Variants in MARK3 observed in about 807,000 individuals in gnomAD.
MARK3 encodes MAP/microtubule affinity-regulating kinase 3.
Under a neutral mutation model 90.1 loss-of-function variants are expected in MARK3, and 46 were observed. The observed-to-expected ratio is 0.51, with a 90% CI of 0.40 to 0.65. MARK3 has a LOEUF of 0.65. MARK3 is among the 30% of genes least tolerant of loss of function. The probability of loss-of-function intolerance (pLI) is 0.00; values close to 1 mark genes in which losing one functional copy is unlikely to be tolerated. For missense variants in MARK3, 818 were observed against 947.2 expected (o/e 0.86, Z 1.79); for synonymous variants, 321 against 332.6 (o/e 0.97, Z 0.38).
Position 103,442,951 on chromosome 14 carries a change from CT to C in MARK3, c.298-5967del, listed in dbSNP as rs375983352. 2.0e-3 allele frequency among the ~76,000 whole-genome samples: 304 copies of C among 148,834 alleles called. 7 individuals are homozygous for C. Among genetic ancestry groups the C allele is most frequent in the Middle Eastern group, 0.014 (4 of 278 alleles). ...AAAACTTTGGTGGGTGTCCCCCCCC[CT>C]CCCACCGACAAGGAAGTGAGAAGAG... On this transcript the variant is annotated intron_variant, in intron 3 of 17. Transcript: ENST00000429436.
intron 3 of MARK3, among the ~76,000 whole-genome samples, chr14:103,446,710 C>T (rs1486933749): frequency 1.8e-4 from 18 of 98,046 alleles, no homozygotes; most frequent in African/African-American, 4.3e-4. Context: ...AGATTGTTGT[C>T]TTTTTTTTTT....
intron 1 of MARK3, among the ~76,000 whole-genome samples, chr14:103,393,065 C>T (rs1318963473): frequency 2.0e-5 from 3 of 152,206 alleles, no homozygotes; most frequent in Non-Finnish European, 4.4e-5. Context: ...CTCACTGCAA[C>T]CTCCGCCTCC....
chr14:103,425,091 C>A (rs984262348), intron 2 of MARK3, among the ~76,000 whole-genome samples: 1 of 151,942 alleles, frequency 6.6e-6, no homozygotes, highest in Non-Finnish European at 1.5e-5. Flanking sequence ...CAGGCCCATG[C>A]CACCATGCCC....
intron 4 of MARK3, among the ~76,000 whole-genome samples, chr14:103,451,695 A>G (rs1054123215): frequency 1.3e-5 from 2 of 152,222 alleles, no homozygotes; most frequent in African/African-American, 4.8e-5. Context: ...TGGAAGTCAC[A>G]CTGAACATTC....
At chr14:103,417,413 A>T (rs1264081129) in intron 2 of MARK3, 1 of 152,246 alleles carries the variant, frequency 6.6e-6, no homozygotes, top group Non-Finnish European at 1.5e-5. Context: ...AACTTGGATC[A>T]TGAAAGGTTT....
intron 1 of MARK3, 48 bp downstream of exon 1, chr14:103,386,128 G>A (rs1466275838): frequency 1.5e-5 from 23 of 1,565,362 alleles, no homozygotes; most frequent in Non-Finnish European, 1.8e-5. Flanking sequence ...GGTGGCATTC[G>A]TGCTCCTCGG....
At chr14:103,449,230 AT>A (rs531138792) in intron 4 of MARK3, among the ~76,000 whole-genome samples, 4 of 151,806 alleles carry the variant, frequency 2.6e-5, no homozygotes, top group African/African-American at 9.6e-5. Context: ...ATTAGAAAAT[AT>A]AATTGTATTG....
At chr14:103,400,703 C>T (rs945478513) in intron 1 of MARK3, among the ~76,000 whole-genome samples, 7 of 151,852 alleles carry the variant, frequency 4.6e-5, no homozygotes, top group Non-Finnish European at 1.0e-4. Flanking sequence ...TGAGATCAGC[C>T]TGGGCAACAT....
intron 2 of MARK3, among the ~76,000 whole-genome samples, chr14:103,406,037 T>C (rs1036425853): frequency 6.6e-6 from 1 of 151,798 alleles, no homozygotes; most frequent in Non-Finnish European, 1.5e-5. Context: ...ACTACAGGCA[T>C]GCACTGCCAC....
At chr14:103,466,517 C>G (rs780188596) in intron 10 of MARK3, 75 bp downstream of exon 10, 2 of 911,496 alleles carry the variant, frequency 2.2e-6, no homozygotes, top group Non-Finnish European at 3.4e-6. Flanking sequence ...ATGTCTGTGC[C>G]TAAAATGTGA....
At chr14:103,494,189 G>A (rs986610008) in intron 15 of MARK3, among the ~76,000 whole-genome samples, 17 of 145,478 alleles carry the variant, frequency 1.2e-4, no homozygotes, top group Admixed American at 6.9e-4. Context: ...AGCCAAGATC[G>A]CGCCGCTGCA....
rs530178903 is a variant in MARK3 at position 103,402,349 on chromosome 14, T to TCGAGACTGGC, written c.52-2720_52-2719insGGCCGAGACT. ...GGGTAGATCACTTAAGGTCAGGAGT[T>TCGAGACTGGC]CGAGACTAGCCTGGCCAACATAGTG... is the stretch of plus-strand genomic sequence containing the variant. On this transcript the variant is annotated intron_variant, in intron 1 of 17. Transcript: ENST00000429436. Among the ~76,000 whole-genome samples, 15 of 152,162 alleles carry TCGAGACTGGC rather than the reference T, an allele frequency of 9.9e-5. No individual in the cohort carries two copies. In the East Asian group the frequency reaches 1.5e-3, roughly 16 times the overall value.
At chr14:103,487,180 G>T (rs1435710986) in intron 14 of MARK3, among the ~76,000 whole-genome samples, 1 of 150,732 alleles carries the variant, frequency 6.6e-6, no homozygotes, top group Non-Finnish European at 1.5e-5. Flanking sequence ...GCCTCCCAAA[G>T]TGCTGGGATT....
chr14:103,421,248 T>C (rs748728159), intron 2 of MARK3, among the ~76,000 whole-genome samples: 7 of 152,240 alleles, frequency 4.6e-5, no homozygotes, highest in Admixed American at 2.6e-4. Context: ...AACAAACTTA[T>C]GTATTAATCT....
chr14:103,468,010 C>G, intron 11 of MARK3, 23 bp from the exon 12 acceptor site: 2 of 1,609,988 alleles, frequency 1.2e-6, no homozygotes, highest in East Asian at 4.5e-5. Context: ...GTGGTTTGCT[C>G]TGTTTTTCTC....
At chr14:103,433,859 T>C (rs1157090404) in intron 3 of MARK3, among the ~76,000 whole-genome samples, 1 of 152,174 alleles carries the variant, frequency 6.6e-6, no homozygotes, top group Non-Finnish European at 1.5e-5. Context: ...TGCAGGAGTT[T>C]AGTCCCAAAC....
chr14:103,481,757 C>CT (rs71126030), intron 14 of MARK3, among the ~76,000 whole-genome samples: 12,610 of 49,138 alleles, frequency 0.26, 4,390 homozygotes, highest in Non-Finnish European at 0.32. Context: ...ATAGGTATTT[C>CT]TTTTTTTTTT....
At chr14:103,392,538 A>T (rs2090323999) in intron 1 of MARK3, among the ~76,000 whole-genome samples, 1 of 151,606 alleles carries the variant, frequency 6.6e-6, no homozygotes, top group South Asian at 2.1e-4. Flanking sequence ...ATTTATTAAG[A>T]AAAAAAAATC....
intron 15 of MARK3, among the ~76,000 whole-genome samples, chr14:103,493,508 A>T (rs1310422642): frequency 6.6e-6 from 1 of 152,078 alleles, no homozygotes; most frequent in African/African-American, 2.4e-5. Flanking sequence ...GGTTTGGGAC[A>T]CCCATTCATG....
Sources: allele counts gnomAD v4.1 joint callset (sites outside exome capture counted in the v4.1 genomes callset), GRCh38; gene constraint gnomAD v4.1.1; transcripts MANE v1.5; gene names NCBI Gene and HGNC (gene_info 2026-07-23, HGNC 2026-07-21).